TMEM225B: variants seen among roughly 807,000 people sequenced by gnomAD.
TMEM225B encodes the protein transmembrane protein 225B.
Under a neutral mutation model 16.9 loss-of-function variants are expected in TMEM225B, and 10 were observed. The observed-to-expected ratio is 0.59, with a 90% CI of 0.36 to 1.00. The LOEUF (loss-of-function observed/expected upper bound fraction) is 1.00, where lower values mean the gene tolerates loss of function less well. TMEM225B is among the 50% of genes least tolerant of loss of function. TMEM225B has a pLI of 0.01. For missense variants in TMEM225B, 217 were observed against 267.0 expected (o/e 0.81, Z 1.30); for synonymous variants, 92 against 109.8 (o/e 0.84, Z 1.01).
intron 2 of TMEM225B, among the ~76,000 whole-genome samples, chr7:99,600,603 T>C (rs1015034132): frequency 6.6e-6 from 1 of 152,134 alleles, no homozygotes; most frequent in African/African-American, 2.4e-5. Flanking sequence ...GGAGAGAGCT[T>C]GAGCAGGGGA....
At chr7:99,600,034 G>A (rs1032782582) in intron 1 of TMEM225B, among the ~76,000 whole-genome samples, 171 bp from the exon 2 acceptor site, 2 of 152,222 alleles carry the variant, frequency 1.3e-5, no homozygotes, top group Non-Finnish European at 2.9e-5. Context: ...GACCTGGACT[G>A]GTGCCCAGGG....
intron 5 of TMEM225B, among the ~76,000 whole-genome samples, chr7:99,608,839 G>GTATA (rs72285430): frequency 0.056 from 7,364 of 132,468 alleles, 667 homozygotes; most frequent in African/African-American, 0.19. Context: ...GTGTGTGCAC[G>GTATA]TATATATATA....
Position 99,610,516 on chromosome 7 carries a change from C to T in TMEM225B, c.617C>T (p.Pro206Leu), listed in dbSNP as rs555076906. ...AATCTGGAGAGTTTGGGAGGAGAAC[C>T]GAGCTCAGTACAAAAGGAGACACAG... The part of the protein sequence containing the change: ...LDNLESLGGE[P>L]SSVQKETQVT... Residue 206 changes from proline to leucine, a missense_variant, in exon 6 of 6, where the codon CCG becomes CTG. Coordinates refer to ENST00000431679, the MANE Select transcript of TMEM225B (RefSeq NM_001195541.3). The T allele has an allele frequency of 2.0e-5, 31 of 1,536,062 alleles. No homozygotes were observed. In the Admixed American group the frequency reaches 3.9e-4, roughly 19 times the overall value.
intron 4 of TMEM225B, 43 bp from the exon 5 acceptor site, chr7:99,607,630 T>C (rs1805930498): frequency 6.6e-7 from 1 of 1,505,854 alleles, no homozygotes. Context: ...GGAAGGCGGG[T>C]AGCATGGGAG....
In TMEM225B at chr7:99,610,376, C is replaced by T. The variant is rs905440613; in HGVS notation, c.494-17C>T. On this transcript the variant is annotated splice_polypyrimidine_tract_variant and intron_variant, in intron 5 of 5. Transcript: ENST00000431679. Reference sequence around the variant, plus strand: ...TGGACTTTCTCTGACCTGACCCAAACGTTGGCTGTTCCCTAGGTACCATCT... The same window carrying T: ...TGGACTTTCTCTGACCTGACCCAAATGTTGGCTGTTCCCTAGGTACCATCT... 58 of 1,533,378 alleles carry T rather than the reference C, an allele frequency of 3.8e-5. No individual in the cohort carries two copies. Among genetic ancestry groups the T allele is most frequent in the Middle Eastern group, 2.1e-4 (1 of 4,768 alleles). The allele number at this position is 1,533,378 out of a possible 1,614,324, so 95.0% of individuals were successfully genotyped here.
chr7:99,603,747 T>TA (rs577624011), intron 2 of TMEM225B, among the ~76,000 whole-genome samples: 233 of 147,612 alleles, frequency 1.6e-3, no homozygotes, highest in African/African-American at 5.4e-3. Context: ...TTCTTTTTTT[T>TA]AAATTATTTA....
At chr7:99,599,986 C>T (rs1416101706) in intron 1 of TMEM225B, among the ~76,000 whole-genome samples, 1 of 152,214 alleles carries the variant, frequency 6.6e-6, no homozygotes, top group Non-Finnish European at 1.5e-5. Context: ...AAGATGTAAC[C>T]TTGTCCAGTG....
In TMEM225B at chr7:99,610,734, T is replaced by G. The variant is rs1806274554; in HGVS notation, c.*169T>G. 4 of 535,008 alleles carry G rather than the reference T, an allele frequency of 7.5e-6. No individual in the cohort carries two copies. The highest frequency in any genetic ancestry group is 9.6e-6 in the Non-Finnish European group (3 of 313,476). 33.1% of individuals were successfully genotyped at this position (535,008 alleles called of 1,614,324 possible). ...TCACAGTGATTCTATCTTGCTTGTATGTGAAATTTGCTAAAAGTCCTTTCA... is the reference window on the plus strand; with the variant it reads ...TCACAGTGATTCTATCTTGCTTGTAGGTGAAATTTGCTAAAAGTCCTTTCA... On this transcript the variant is annotated 3_prime_UTR_variant, in exon 6 of 6. Transcript: ENST00000431679.
Position 99,610,432 on chromosome 7 carries a change from G to A in TMEM225B, c.533G>A (p.Trp178Ter), listed in dbSNP as rs1275783380. ...ATTCAAGAAATGGTTTGCCCTTGCTGGCACTTGTTGTCCACTTCCCAGAGT... is the reference window on the plus strand; with the variant it reads ...ATTCAAGAAATGGTTTGCCCTTGCTAGCACTTGTTGTCCACTTCCCAGAGT... ...CLIQEMVCPC[W>*]HLLSTSQSME... is the part of the protein sequence containing the mutation. Residue 178 changes from tryptophan to a stop codon, truncating the protein, a stop_gained, in exon 6 of 6, where the codon TGG becomes TAG. Transcript: ENST00000431679. LOFTEE classifies it low-confidence loss of function (END_TRUNC). 2.0e-6 allele frequency: 3 copies of A among 1,536,032 alleles called. No homozygotes were observed. The Admixed American group carries it at 5.9e-5, about 30-fold the overall frequency.
intron 2 of TMEM225B, among the ~76,000 whole-genome samples, chr7:99,601,113 T>C (rs1030324258): frequency 1.3e-5 from 2 of 152,176 alleles, no homozygotes; most frequent in African/African-American, 4.8e-5. Flanking sequence ...TACTCCCATC[T>C]ATACAGAGGA....
chr7:99,610,297 T>C (rs1332032611), intron 5 of TMEM225B, 96 bp from the exon 6 acceptor site: 2 of 834,060 alleles, frequency 2.4e-6, no homozygotes, highest in Non-Finnish European at 3.7e-6. Context: ...GGGGGCAGAA[T>C]GAGGGAGGGC....
chr7:99,599,049 T>C (rs1274711437), intron 1 of TMEM225B, among the ~76,000 whole-genome samples: 1 of 151,352 alleles, frequency 6.6e-6, no homozygotes, highest in African/African-American at 2.4e-5. Context: ...AAGCTCCGCC[T>C]CCCGGGTTCA....
At chr7:99,600,833 G>T (rs1272622913) in intron 2 of TMEM225B, among the ~76,000 whole-genome samples, 1 of 152,126 alleles carries the variant, frequency 6.6e-6, no homozygotes, top group Non-Finnish European at 1.5e-5. Context: ...GATGTTCCAG[G>T]TGTGGAGGGA....
intron 2 of TMEM225B, among the ~76,000 whole-genome samples, chr7:99,603,273 G>T (rs1805509096): frequency 1.3e-5 from 2 of 152,274 alleles, no homozygotes; most frequent in South Asian, 4.1e-4. Flanking sequence ...CTGAATAAGG[G>T]CACCTAAGGC....
At chr7:99,600,433 T>TA (rs964785405) in intron 2 of TMEM225B, 148 bp downstream of exon 2, 86 of 635,328 alleles carry the variant, frequency 1.4e-4, no homozygotes, top group African/African-American at 1.2e-3. Context: ...AACCCAGGTG[T>TA]ATTAGTCTGT....
intron 3 of TMEM225B, among the ~76,000 whole-genome samples, chr7:99,605,714 C>G (rs1222503947): frequency 6.6e-6 from 1 of 152,210 alleles, no homozygotes; most frequent in Non-Finnish European, 1.5e-5. Context: ...CTCAGCCTCC[C>G]AAGTAGCGGG....
chr7:99,604,630 G>A (rs1278339044), intron 3 of TMEM225B, 34 bp downstream of exon 3: 3 of 1,490,066 alleles, frequency 2.0e-6, no homozygotes, highest in Admixed American at 2.0e-5. Context: ...GGAGAGAGAG[G>A]GAGATGGGGC....
At chr7:99,602,505 CT>C (rs1293782084) in intron 2 of TMEM225B, among the ~76,000 whole-genome samples, 1 of 152,090 alleles carries the variant, frequency 6.6e-6, no homozygotes, top group African/African-American at 2.4e-5. Flanking sequence ...GTGTTGTATT[CT>C]TATCATTGGG....
chr7:99,601,494 G>A (rs1045155255), intron 2 of TMEM225B, among the ~76,000 whole-genome samples: 3 of 152,246 alleles, frequency 2.0e-5, no homozygotes, highest in Non-Finnish European at 4.4e-5. Context: ...TCAGGAGGCT[G>A]AGGTGGGAGG....
Sources: allele counts gnomAD v4.1 joint callset (sites outside exome capture counted in the v4.1 genomes callset), GRCh38; gene constraint gnomAD v4.1.1; transcripts MANE v1.5; gene names NCBI Gene and HGNC (gene_info 2026-07-23, HGNC 2026-07-21).